Variants in WASF2 observed in about 807,000 individuals in gnomAD.
WASF2 encodes actin-binding protein WASF2.
Under a neutral mutation model 45.0 loss-of-function variants are expected in WASF2, and 14 were observed. That is an observed-to-expected ratio of 0.31 (90% CI 0.21 to 0.49). WASF2 has a LOEUF of 0.49. Ranked by LOEUF, WASF2 falls within the 20% of genes least tolerant of loss-of-function variation. WASF2 has a pLI of 0.99. For missense variants in WASF2, 439 were observed against 636.1 expected (o/e 0.69, Z 3.33); for synonymous variants, 200 against 236.3 (o/e 0.85, Z 1.41).
intron 1 of WASF2, among the ~76,000 whole-genome samples, chr1:27,445,555 G>A (rs1043924814): frequency 2.6e-5 from 4 of 152,142 alleles, no homozygotes; most frequent in African/African-American, 4.8e-5. Context: ...AAACTGAAAT[G>A]GTGTTAATGA....
In WASF2 at chr1:27,429,530, CT is replaced by C. The variant is rs370348496; in HGVS notation, c.-43-598del. On this transcript the variant is annotated intron_variant, in intron 1 of 8. Coordinates refer to ENST00000618852, the MANE Select transcript of WASF2 (RefSeq NM_006990.5). Reference sequence around the variant, plus strand: ...GTGGCTCACGCCTGTAATCCCAGCACTTTGGGAGGCTGAGGCAGGTGGATCA... The same window carrying C: ...GTGGCTCACGCCTGTAATCCCAGCACTTGGGAGGCTGAGGCAGGTGGATCA... 7.8e-4 allele frequency among the ~76,000 whole-genome samples: 119 copies of C among 152,266 alleles called. 1 individual carries two copies. The highest frequency in any genetic ancestry group is 3.4e-3 in the Middle Eastern group (1 of 294).
At position 27,408,113 on chromosome 1, in the gene WASF2, C is replaced by T. The variant is rs1011422465; in HGVS notation, c.*76G>A. On this transcript the variant is annotated 3_prime_UTR_variant, in exon 9 of 9. Transcript: ENST00000618852. Reference sequence around the variant, plus strand: ...TTTTTTCCTCCCTTTTCTCCCCCTACGGGTCTGTTGGGGTTGGCATCAAAG... The same window carrying T: ...TTTTTTCCTCCCTTTTCTCCCCCTATGGGTCTGTTGGGGTTGGCATCAAAG... 1.7e-5 allele frequency: 27 copies of T among 1,543,088 alleles called. No homozygotes were observed. Among genetic ancestry groups the T allele is most frequent in the East Asian group, 4.6e-5 (2 of 43,848 alleles).
rs150370780 is a variant in WASF2 at position 27,417,932 on chromosome 1, G to A, written c.419+337C>T. On this transcript the variant is annotated intron_variant, in intron 4 of 8. Coordinates refer to ENST00000618852, the MANE Select transcript of WASF2 (RefSeq NM_006990.5). Reference sequence around the variant, plus strand: ...GGGATCCATGCTGTAGGACCGCCTTGTAACAAAGTCCTTTTGGTTCTATAA... The same window carrying A: ...GGGATCCATGCTGTAGGACCGCCTTATAACAAAGTCCTTTTGGTTCTATAA... Among the ~76,000 whole-genome samples the A allele has an allele frequency of 3.2e-3, 485 of 151,908 alleles. 2 individuals carry two copies. The highest frequency in any genetic ancestry group is 5.3e-3 in the Non-Finnish European group (359 of 67,944).
chr1:27,423,266 C>G (rs1395518689), intron 2 of WASF2, among the ~76,000 whole-genome samples: 1 of 151,672 alleles, frequency 6.6e-6, no homozygotes, highest in East Asian at 1.9e-4. Context: ...GGCACAATCT[C>G]AGCTCACTGC....
intron 1 of WASF2, among the ~76,000 whole-genome samples, chr1:27,467,738 C>T (rs56982189): frequency 0.024 from 3,688 of 151,550 alleles, 104 homozygotes; most frequent in East Asian, 0.15. Flanking sequence ...CGGTGAGACT[C>T]TATCTCTACT....
At chr1:27,433,761 T>C (rs963062652) in intron 1 of WASF2, among the ~76,000 whole-genome samples, 1 of 152,244 alleles carries the variant, frequency 6.6e-6, no homozygotes, top group Non-Finnish European at 1.5e-5. Context: ...TTTAGTTTTA[T>C]ACAGTTATAC....
chr1:27,438,986 G>C (rs1242400830), intron 1 of WASF2, among the ~76,000 whole-genome samples: 1 of 152,204 alleles, frequency 6.6e-6, no homozygotes, highest in African/African-American at 2.4e-5. Context: ...TAAAGTCCTT[G>C]AGCAGAGGGA....
chr1:27,458,031 T>C (rs3118948), intron 1 of WASF2, among the ~76,000 whole-genome samples: 129,408 of 151,964 alleles, frequency 0.85, 55,624 homozygotes, highest in Admixed American at 0.92. Flanking sequence ...ATTTGTTGGC[T>C]GGGCGCGGTG....
At chr1:27,468,626 A>T (rs1398499210) in intron 1 of WASF2, among the ~76,000 whole-genome samples, 1 of 149,610 alleles carries the variant, frequency 6.7e-6, no homozygotes, top group Non-Finnish European at 1.5e-5. Flanking sequence ...GGGCGACAAG[A>T]GCGAAACTCC....
chr1:27,432,626 C>T (rs2017081150), intron 1 of WASF2, among the ~76,000 whole-genome samples: 1 of 108,114 alleles, frequency 9.2e-6, no homozygotes, highest in Non-Finnish European at 1.7e-5. Context: ...CCAGCCTGGG[C>T]GACAGAGCGA....
At chr1:27,466,090 A>T (rs1571156940) in intron 1 of WASF2, among the ~76,000 whole-genome samples, 1 of 152,248 alleles carries the variant, frequency 6.6e-6, no homozygotes, top group Admixed American at 6.5e-5. Context: ...TCTCTGGAGT[A>T]TATCTGAAAA....
intron 1 of WASF2, among the ~76,000 whole-genome samples, chr1:27,469,012 T>C (rs765542906): frequency 4.6e-5 from 7 of 150,836 alleles, no homozygotes; most frequent in Non-Finnish European, 7.4e-5. Flanking sequence ...ATAAACCAAA[T>C]GTTCAGAGAG....
chr1:27,482,374 A>T (rs1424773803), intron 1 of WASF2, among the ~76,000 whole-genome samples: 1 of 152,208 alleles, frequency 6.6e-6, no homozygotes, highest in Non-Finnish European at 1.5e-5. Flanking sequence ...GGAGTTATGA[A>T]GTGTTTATGC....
At chr1:27,444,444 C>T (rs2017286427) in intron 1 of WASF2, among the ~76,000 whole-genome samples, 1 of 152,174 alleles carries the variant, frequency 6.6e-6, no homozygotes, top group Admixed American at 6.5e-5. Context: ...ACCCAGCACC[C>T]AGTAGGTATT....
intron 1 of WASF2, among the ~76,000 whole-genome samples, chr1:27,487,109 A>AT (rs1197604898): frequency 2.4e-4 from 35 of 145,752 alleles, no homozygotes; most frequent in Admixed American, 3.5e-4. Context: ...ATATAGAGAG[A>AT]TTTTTTTTTG....
At chr1:27,432,735 C>T (rs1020833208) in intron 1 of WASF2, among the ~76,000 whole-genome samples, 2 of 149,004 alleles carry the variant, frequency 1.3e-5, no homozygotes, top group African/African-American at 4.9e-5. Context: ...ATCCTATTCA[C>T]TGATAAATAT....
intron 1 of WASF2, among the ~76,000 whole-genome samples, chr1:27,455,851 G>T (rs879392729): frequency 3.9e-5 from 6 of 152,084 alleles, no homozygotes; most frequent in Admixed American, 3.9e-4. Context: ...CTTTATTATA[G>T]AATCCATCCC....
chr1:27,408,141 G>C lies in WASF2; in HGVS notation c.*48C>G, dbSNP rs1358709816. 6.3e-7 allele frequency: 1 copy of C among 1,590,814 alleles called. No individual in the cohort carries two copies. The highest frequency in any genetic ancestry group is 1.3e-5 in the African/African-American group (1 of 74,390). On this transcript the variant is annotated 3_prime_UTR_variant, in exon 9 of 9. Transcript: ENST00000618852. The stretch of plus-strand genomic sequence containing the variant: ...GTCTGTTGGGGTTGGCATCAAAGAA[G>C]GCAGGTAGGAAGGAAAGAAAAAGAA...
At chr1:27,455,755 T>C (rs1484399436) in intron 1 of WASF2, among the ~76,000 whole-genome samples, 1 of 152,186 alleles carries the variant, frequency 6.6e-6, no homozygotes, top group Non-Finnish European at 1.5e-5. Context: ...AGTTCAAGTG[T>C]AATTGCTTCC....
Sources: gnomAD v4.1 joint callset for allele counts (sites outside exome capture counted in the v4.1 genomes callset) on GRCh38, gnomAD v4.1.1 for gene constraint, MANE v1.5 for transcripts, NCBI Gene and HGNC (gene_info 2026-07-23, HGNC 2026-07-21) for gene names.